The following GNG2 variants were observed in gnomAD, a reference collection of about 807,000 sequenced individuals.
The protein encoded by GNG2 is guanine nucleotide-binding protein G(I)/G(S)/G(O) subunit gamma-2.
In GNG2, 5 loss-of-function variants were observed where a neutral mutation model predicts 5.5. That is an observed-to-expected ratio of 0.91 (90% confidence interval 0.48 to 1.92). The LOEUF is 1.92. Among genes scored for constraint, GNG2 ranks in the 30% most tolerant of loss-of-function variants. The pLI, the probability that GNG2 is intolerant of heterozygous loss-of-function variation, is 0.01. For synonymous variants in GNG2, 28 were observed against 32.0 expected (o/e 0.88, Z 0.42); for missense variants, 55 against 88.4 (o/e 0.62, Z 1.52).
chr14:51,910,349 T>A (rs1248656142), intron 2 of GNG2, among the ~76,000 whole-genome samples: 1 of 152,018 alleles, frequency 6.6e-6, no homozygotes, highest in Non-Finnish European at 1.5e-5. Flanking sequence ...AAAAGGCCAA[T>A]GTGGTCAGAG....
intron 2 of GNG2, among the ~76,000 whole-genome samples, chr14:51,888,253 C>T (rs945210504): frequency 2.8e-4 from 42 of 152,120 alleles, no homozygotes; most frequent in Admixed American, 1.2e-3. Context: ...TATTGGTATA[C>T]CACAATATGT....
intron 1 of GNG2, among the ~76,000 whole-genome samples, chr14:51,871,311 T>A (rs1883278227): frequency 7.7e-6 from 1 of 129,386 alleles, no homozygotes; most frequent in Non-Finnish European, 1.6e-5. Context: ...AAAATTTAAG[T>A]AGAGGTGAAA....
intron 2 of GNG2, among the ~76,000 whole-genome samples, chr14:51,847,850 G>C (rs1003896739): frequency 2.1e-5 from 3 of 144,812 alleles, no homozygotes; most frequent in Non-Finnish European, 4.5e-5. Context: ...CAGGACATAG[G>C]GATGTTACTC....
intron 2 of GNG2, among the ~76,000 whole-genome samples, chr14:51,839,919 G>A (rs1881438419): frequency 6.6e-6 from 1 of 152,094 alleles, no homozygotes; most frequent in African/African-American, 2.4e-5. Context: ...ACAACTCTAG[G>A]GGTAGATCTC....
chr14:51,843,262 C>T (rs146753208), intron 2 of GNG2, among the ~76,000 whole-genome samples: 88 of 152,274 alleles, frequency 5.8e-4, no homozygotes, highest in African/African-American at 2.1e-3. Flanking sequence ...GGTTGTCTTA[C>T]TCTTGGAATT....
chr14:51,947,325 A>C (rs1339478915), intron 2 of GNG2, among the ~76,000 whole-genome samples: 2 of 152,216 alleles, frequency 1.3e-5, no homozygotes. Flanking sequence ...AAGGTTGTTA[A>C]TCAGCTGACT....
At chr14:51,849,474 C>CA (rs1881807992) in intron 2 of GNG2, among the ~76,000 whole-genome samples, 1 of 152,128 alleles carries the variant, frequency 6.6e-6, no homozygotes, top group Non-Finnish European at 1.5e-5. Flanking sequence ...TCTTGGAGAG[C>CA]AAAGCAAAGT....
chr14:51,841,547 G>A (rs1046430721), intron 2 of GNG2: 10 of 702,038 alleles, frequency 1.4e-5, no homozygotes, highest in Admixed American at 1.4e-4. Flanking sequence ...AGCTAATTAA[G>A]TGTTGGAGCC....
At chr14:51,944,287 A>C (rs1888515277) in intron 2 of GNG2, among the ~76,000 whole-genome samples, 1 of 152,236 alleles carries the variant, frequency 6.6e-6, no homozygotes, top group Non-Finnish European at 1.5e-5. Context: ...CTAAATGTGC[A>C]AGATCAAGAT....
intron 2 of GNG2, among the ~76,000 whole-genome samples, chr14:51,884,894 G>C (rs963213681): frequency 6.6e-6 from 1 of 152,220 alleles, no homozygotes; most frequent in Non-Finnish European, 1.5e-5. Context: ...GCAGGGGCCA[G>C]TAGGTTCTTC....
intron 3 of GNG2, among the ~76,000 whole-genome samples, chr14:51,958,246 C>G (rs1889380652): frequency 6.6e-6 from 1 of 152,150 alleles, no homozygotes; most frequent in Non-Finnish European, 1.5e-5. Context: ...CCCTTGTTTT[C>G]CCTGCCCCAG....
At chr14:51,850,581 A>G (rs953577473) in intron 2 of GNG2, among the ~76,000 whole-genome samples, 1 of 152,208 alleles carries the variant, frequency 6.6e-6, no homozygotes, top group African/African-American at 2.4e-5. Flanking sequence ...AGTCCATTGT[A>G]TTAGGCTGTT....
At chr14:51,893,260 C>T (rs1457418647) in intron 2 of GNG2, among the ~76,000 whole-genome samples, 1 of 152,156 alleles carries the variant, frequency 6.6e-6, no homozygotes, top group African/African-American at 2.4e-5. Flanking sequence ...TTTTCTATCT[C>T]CTAGTCATCA....
At chr14:51,870,155 T>G (rs1383631607) in intron 1 of GNG2, among the ~76,000 whole-genome samples, 2 of 152,188 alleles carry the variant, frequency 1.3e-5, no homozygotes, top group Non-Finnish European at 2.9e-5. Context: ...AAAGTTTCCA[T>G]GCATTTCCCT....
chr14:51,889,727 T>C (rs575174368), intron 2 of GNG2, among the ~76,000 whole-genome samples: 21 of 152,316 alleles, frequency 1.4e-4, no homozygotes, highest in Non-Finnish European at 2.6e-4. Flanking sequence ...TTTCTAGCAT[T>C]AGAAAATAAA....
rs1452979401 is a variant in GNG2 at position 51,911,694 on chromosome 14, C to A, written c.-30+34037C>A. Among the ~76,000 whole-genome samples the A allele has an allele frequency of 3.2e-5, 4 of 126,756 alleles. 1 individual carries two copies. The highest frequency in any genetic ancestry group is 1.3e-4 in the African/African-American group (4 of 30,684). The allele number at this position is 126,756 out of a possible 152,430, so 83.2% of individuals were successfully genotyped here. On this transcript the variant is annotated intron_variant, in intron 2 of 3. Transcript: ENST00000556766. Reference sequence around the variant, plus strand: ...GGGTAGCTAAGACTACAGGTGTATGCCACCAAGCCTGGCTAATTTTTTAAA... The same window carrying A: ...GGGTAGCTAAGACTACAGGTGTATGACACCAAGCCTGGCTAATTTTTTAAA...
chr14:51,898,939 C>T (rs528222924), intron 2 of GNG2, among the ~76,000 whole-genome samples: 1 of 152,178 alleles, frequency 6.6e-6, no homozygotes, highest in African/African-American at 2.4e-5. Context: ...TGGTGTATTT[C>T]CCTTCAGCAG....
rs1051639193 is a variant in GNG2 at position 51,895,975 on chromosome 14, G to A, written c.-30+18318G>A. Among the ~76,000 whole-genome samples the A allele has an allele frequency of 8.5e-5, 13 of 152,220 alleles. 1 individual carries two copies. Among genetic ancestry groups the A allele is most frequent in the African/African-American group, 3.1e-4 (13 of 41,450 alleles). On this transcript the variant is annotated intron_variant, in intron 2 of 3. Transcript: ENST00000556766. ...ACTGTGAGGCTTCCCCAGCTATGTGGAACTGTAAGTCCAATTAAACCTCTT... is the reference window on the plus strand; with the variant it reads ...ACTGTGAGGCTTCCCCAGCTATGTGAAACTGTAAGTCCAATTAAACCTCTT...
At chr14:51,885,580 C>T (rs1015611149) in intron 2 of GNG2, among the ~76,000 whole-genome samples, 5 of 146,218 alleles carry the variant, frequency 3.4e-5, no homozygotes, top group East Asian at 2.0e-4. Context: ...TATCCCCTGC[C>T]GTATTCTATA....
Sources: allele counts gnomAD v4.1 joint callset (sites outside exome capture counted in the v4.1 genomes callset), GRCh38; gene constraint gnomAD v4.1.1; transcripts MANE v1.5; gene names NCBI Gene and HGNC (gene_info 2026-07-23, HGNC 2026-07-21).